The following NRG1 variants were observed in gnomAD, a reference collection of about 807,000 sequenced individuals.
NRG1 encodes neuregulin 1.
A neutral mutation model predicts 63.8 loss-of-function variants in NRG1; 18 were observed. The observed-to-expected ratio is 0.28, with a 90% CI of 0.19 to 0.42. The LOEUF (loss-of-function observed/expected upper bound fraction) is 0.42, where lower values mean the gene tolerates loss of function less well. NRG1 is among the 10% of genes least tolerant of loss of function. The pLI is 1.00. For synonymous variants in NRG1, 302 were observed against 301.3 expected (o/e 1.00, Z -0.02); for missense variants, 762 against 814.7 (o/e 0.94, Z 0.79).
intron 1 of NRG1, among the ~76,000 whole-genome samples, chr8:32,302,163 T>C (rs1298047786): frequency 6.6e-6 from 1 of 152,230 alleles, no homozygotes; most frequent in Non-Finnish European, 1.5e-5. Context: ...CGTCATGTTA[T>C]GGTCTTGGGG....
At chr8:32,285,690 CT>C in intron 1 of NRG1, among the ~76,000 whole-genome samples, 1 of 152,192 alleles carries the variant, frequency 6.6e-6, no homozygotes, top group Middle Eastern at 3.4e-3. Flanking sequence ...GTTCTTGAGA[CT>C]TTTTGATGAG....
intron 1 of NRG1, among the ~76,000 whole-genome samples, chr8:32,353,196 T>C (rs1270454859): frequency 6.6e-6 from 1 of 150,502 alleles, no homozygotes; most frequent in African/African-American, 2.4e-5. Flanking sequence ...TGTTATGCCA[T>C]GAAAGAGACA....
intron 1 of NRG1, among the ~76,000 whole-genome samples, chr8:32,328,465 A>C (rs1382187263): frequency 1.3e-5 from 2 of 151,574 alleles, no homozygotes; most frequent in African/African-American, 4.9e-5. Flanking sequence ...AATGTTGCCT[A>C]AACTGAAGTC....
intron 1 of NRG1, among the ~76,000 whole-genome samples, chr8:31,678,580 C>CT (rs1807977903): frequency 1.3e-5 from 2 of 151,630 alleles, no homozygotes; most frequent in African/African-American, 4.8e-5. Context: ...TTTGACAAGT[C>CT]TGTGTGACCC....
chr8:32,512,629 G>GA (rs1829349677), intron 1 of NRG1, among the ~76,000 whole-genome samples: 1 of 152,114 alleles, frequency 6.6e-6, no homozygotes, highest in Non-Finnish European at 1.5e-5. Flanking sequence ...ATGAGGCACA[G>GA]AAAAAATAGG....
At chr8:31,867,023 A>G (rs1829019525) in intron 1 of NRG1, among the ~76,000 whole-genome samples, 1 of 152,128 alleles carries the variant, frequency 6.6e-6, no homozygotes, top group Admixed American at 6.6e-5. Flanking sequence ...TCTAGTTTTA[A>G]CTTGTTTGGT....
At chr8:32,374,251 T>G (rs1385808808) in intron 1 of NRG1, among the ~76,000 whole-genome samples, 1 of 152,172 alleles carries the variant, frequency 6.6e-6, no homozygotes, top group Non-Finnish European at 1.5e-5. Context: ...CAGGAGCCAA[T>G]AGAAAAACAC....
intron 5 of NRG1, among the ~76,000 whole-genome samples, chr8:32,715,316 A>T (rs1818900478): frequency 6.6e-6 from 1 of 152,110 alleles, no homozygotes; most frequent in African/African-American, 2.4e-5. Flanking sequence ...ATGACCATTG[A>T]ATTCCTAGGA....
At chr8:32,621,228 A>C (rs975129124) in intron 5 of NRG1, among the ~76,000 whole-genome samples, 1 of 152,148 alleles carries the variant, frequency 6.6e-6, no homozygotes, top group South Asian at 2.1e-4. Flanking sequence ...CTTTATACTA[A>C]TCTAATAAAG....
chr8:31,841,496 T>C (rs187399087), intron 1 of NRG1, among the ~76,000 whole-genome samples: 23 of 152,082 alleles, frequency 1.5e-4, no homozygotes, highest in Admixed American at 1.5e-3. Flanking sequence ...GTTTAGAAGG[T>C]GAAGATAAGG....
At chr8:32,445,145 T>C (rs540627090) in intron 1 of NRG1, among the ~76,000 whole-genome samples, 1 of 152,350 alleles carries the variant, frequency 6.6e-6, no homozygotes, top group East Asian at 1.9e-4. Flanking sequence ...CCACAGATGC[T>C]CATGTCCTGC....
At chr8:32,180,287 AT>A (rs1415850611) in intron 1 of NRG1, among the ~76,000 whole-genome samples, 1 of 151,896 alleles carries the variant, frequency 6.6e-6, no homozygotes, top group African/African-American at 2.4e-5. Flanking sequence ...TACCCTTCCA[AT>A]TTTCTCCAGC....
intron 1 of NRG1, among the ~76,000 whole-genome samples, chr8:32,417,013 A>C (rs886854566): frequency 2.6e-5 from 4 of 152,092 alleles, no homozygotes; most frequent in Non-Finnish European, 4.4e-5. Context: ...GATGATTCTG[A>C]ATTTGAATAT....
intron 1 of NRG1, among the ~76,000 whole-genome samples, chr8:31,745,767 T>G (rs987217962): frequency 4.6e-5 from 7 of 151,976 alleles, no homozygotes; most frequent in Admixed American, 1.3e-4. Flanking sequence ...AGAGCCATGT[T>G]AAATACCTGT....
At chr8:32,173,495 A>T (rs13255654) in intron 1 of NRG1, among the ~76,000 whole-genome samples, 5,670 of 152,226 alleles carry the variant, frequency 0.037, 194 homozygotes, top group African/African-American at 0.087. Flanking sequence ...TAACAATATT[A>T]ACCTTAAATG....
chr8:31,811,086 T>C (rs750416154), intron 1 of NRG1, among the ~76,000 whole-genome samples: 4 of 152,202 alleles, frequency 2.6e-5, no homozygotes, highest in Non-Finnish European at 4.4e-5. Context: ...TTCAGGACTT[T>C]ATTCTAGTGA....
intron 1 of NRG1, among the ~76,000 whole-genome samples, chr8:31,930,000 C>T (rs1166271095): frequency 6.6e-6 from 1 of 152,182 alleles, no homozygotes; most frequent in African/African-American, 2.4e-5. Flanking sequence ...GGCAGTATGC[C>T]TTGGACATTC....
intron 1 of NRG1, among the ~76,000 whole-genome samples, chr8:32,516,853 TG>T (rs1197886347): frequency 5.9e-5 from 9 of 152,170 alleles, no homozygotes; most frequent in Admixed American, 5.9e-4. Context: ...TATTACTAGT[TG>T]TGAATGAATT....
intron 1 of NRG1, among the ~76,000 whole-genome samples, chr8:32,453,699 GTGATTTCGA>G (rs1821255799): frequency 6.6e-6 from 1 of 152,162 alleles, no homozygotes; most frequent in African/African-American, 2.4e-5. Context: ...GCAATTATTT[GTGATTTCGA>G]GCATCGTTGT....
Sources: gnomAD v4.1 joint callset for allele counts (sites outside exome capture counted in the v4.1 genomes callset) on GRCh38, gnomAD v4.1.1 for gene constraint, MANE v1.5 for transcripts, NCBI Gene and HGNC (gene_info 2026-07-23, HGNC 2026-07-21) for gene names.